The following HAUS3 variants were observed in gnomAD, a reference collection of about 807,000 sequenced individuals.
HAUS3 encodes the protein HAUS augmin like complex subunit 3.
In HAUS3, 36 loss-of-function variants were observed where a neutral mutation model predicts 55.2. That is an observed-to-expected ratio of 0.65 (90% CI 0.50 to 0.86). The LOEUF (loss-of-function observed/expected upper bound fraction) is 0.86, where lower values mean the gene tolerates loss of function less well. HAUS3 is among the 40% of genes least tolerant of loss of function. HAUS3 has a pLI of 0.00. For synonymous variants in HAUS3, 234 were observed against 238.6 expected (o/e 0.98, Z 0.18); for missense variants, 752 against 671.5 (o/e 1.12, Z -1.33).
chr4:2,230,507 T>G lies in HAUS3; in HGVS notation c.*1420A>C, dbSNP rs1169233155. 6.6e-6 allele frequency: 1 copy of G among 152,156 alleles called. No individual in the cohort carries two copies. The highest frequency in any genetic ancestry group is 1.5e-5 in the Non-Finnish European group (1 of 68,032). 9.4% of individuals were successfully genotyped at this position (152,156 alleles called of 1,614,324 possible). ...AGTTGCTCAGGTGATAGGGAGCTGATAGCAAAATCTTAAACAAAATTTACT... is the reference window on the plus strand; with the variant it reads ...AGTTGCTCAGGTGATAGGGAGCTGAGAGCAAAATCTTAAACAAAATTTACT... On this transcript the variant is annotated 3_prime_UTR_variant, in exon 6 of 6. Transcript: ENST00000443786.
intron 4 of HAUS3, among the ~76,000 whole-genome samples, 198 bp from the exon 5 acceptor site, chr4:2,236,654 T>C (rs1180730049): frequency 6.6e-6 from 1 of 151,732 alleles, no homozygotes; most frequent in Non-Finnish European, 1.5e-5. Flanking sequence ...AGCTCAGGAG[T>C]TCGAGACCAG....
Position 2,241,733 on chromosome 4 carries a change from A to T in HAUS3, c.-361T>A. ...CGGCCCCAAGGCCGCGATACACCAG[A>T]CGCGCCAGCGGCAAAACCTTCCTTC... On this transcript the variant is annotated 5_prime_UTR_variant, in exon 2 of 6. Coordinates refer to ENST00000443786, the MANE Select transcript of HAUS3 (RefSeq NM_001303143.2). 2.0e-6 allele frequency: 2 copies of T among 985,468 alleles called. No individual in the cohort carries two copies. Among genetic ancestry groups the T allele is most frequent in the South Asian group, 9.4e-5 (2 of 21,294 alleles). 61.0% of individuals were successfully genotyped at this position (985,468 alleles called of 1,614,324 possible). A position where few individuals can be genotyped will look rare whatever the true frequency, so the allele number is the denominator to read the frequency against.
Position 2,241,748 on chromosome 4 carries a change from A to G in HAUS3, c.-376T>C. The stretch of plus-strand genomic sequence containing the variant: ...GATACACCAGACGCGCCAGCGGCAA[A>G]ACCTTCCTTCGGAGGGTCACCCAGC... On this transcript the variant is annotated 5_prime_UTR_variant, in exon 2 of 6. Transcript: ENST00000443786. The G allele has an allele frequency of 1.0e-6, 1 of 985,484 alleles. No individual in the cohort carries two copies. Among genetic ancestry groups the G allele is most frequent in the Non-Finnish European group, 1.2e-6 (1 of 829,940 alleles). The allele number at this position is 985,484 out of a possible 1,614,324, so 61.0% of individuals were successfully genotyped here.
At chr4:2,238,383 G>C (rs1040441718) in intron 4 of HAUS3, among the ~76,000 whole-genome samples, 1 of 150,670 alleles carries the variant, frequency 6.6e-6, no homozygotes, top group Non-Finnish European at 1.5e-5. Context: ...ATCCACTTAA[G>C]CTATAAAGTA....
In HAUS3 at chr4:2,240,433, C is replaced by T. The variant is rs1166547308; in HGVS notation, c.514G>A (p.Glu172Lys). ...ISNELQALTD[E>K]VTQLMMFFRH... ...AAGAACATCATCAATTGTGTAACTTCATCAGTAAGAGCCTGAAGTTCATTA... is the reference window on the plus strand; with the variant it reads ...AAGAACATCATCAATTGTGTAACTTTATCAGTAAGAGCCTGAAGTTCATTA... The change falls in exon 3 of 6, where the codon GAA becomes AAA. Residue 172 changes from glutamate to lysine, a missense_variant. Transcript: ENST00000443786. The T allele has an allele frequency of 1.2e-6, 2 of 1,613,902 alleles. No homozygotes were observed. The highest frequency in any genetic ancestry group is 2.2e-5 in the East Asian group (1 of 44,876).
rs1560102286 is a variant in HAUS3, at chr4:2,231,903, TAAAG to T, written c.*20_*23del. The T allele has an allele frequency of 3.0e-6, 3 of 990,734 alleles. No homozygotes were observed. Among genetic ancestry groups the T allele is most frequent in the Middle Eastern group, 2.1e-4 (1 of 4,712 alleles). The allele number at this position is 990,734 out of a possible 1,614,324, so 61.4% of individuals were successfully genotyped here. On this transcript the variant is annotated 3_prime_UTR_variant, in exon 6 of 6. Coordinates refer to ENST00000443786, the MANE Select transcript of HAUS3 (RefSeq NM_001303143.2). Reference sequence around the variant, plus strand: ...CTAATAAATAAAAGAGGACACGTAATAAAGATTCAGTTTTCAGTAATTTTCAATC... The same window carrying T: ...CTAATAAATAAAAGAGGACACGTAATATTCAGTTTTCAGTAATTTTCAATC...
At position 2,229,352 on chromosome 4, in the gene HAUS3, T is replaced by C; in HGVS notation, c.*2575A>G. 2.2e-6 allele frequency: 2 copies of C among 921,966 alleles called. No individual in the cohort carries two copies. The highest frequency in any genetic ancestry group is 1.7e-5 in the African/African-American group (1 of 57,906). 57.1% of individuals were successfully genotyped at this position (921,966 alleles called of 1,614,324 possible). A position where few individuals can be genotyped will look rare whatever the true frequency, so the allele number is the denominator to read the frequency against. On this transcript the variant is annotated 3_prime_UTR_variant, in exon 6 of 6. Coordinates refer to ENST00000443786, the MANE Select transcript of HAUS3 (RefSeq NM_001303143.2). ...TATATACCAACTTTCATTTAAAATGTCTATATTCATAACCACAGAAAATAG... is the reference window on the plus strand; with the variant it reads ...TATATACCAACTTTCATTTAAAATGCCTATATTCATAACCACAGAAAATAG...
Position 2,240,538 on chromosome 4 carries a change from A to C in HAUS3, c.409T>G (p.Leu137Val). The change falls in exon 3 of 6, where the codon TTA becomes GTA. Residue 137 changes from leucine to valine, a missense_variant. Leu to Val is a conservative substitution (Grantham distance 32, BLOSUM62 1). Coordinates refer to ENST00000443786, the MANE Select transcript of HAUS3 (RefSeq NM_001303143.2). Reference sequence around the variant, plus strand: ...GTGGCTTCTTCTTCTTTAGCATTTAACCTCAGAGATTTGTGGCTAGTTACT... The same window carrying C: ...GTGGCTTCTTCTTCTTTAGCATTTACCCTCAGAGATTTGTGGCTAGTTACT... ...ASVTSHKSLR[L>V]NAKEEEATKK... 6.2e-7 allele frequency: 1 copy of C among 1,613,666 alleles called. No homozygotes were observed. The highest frequency in any genetic ancestry group is 1.1e-5 in the South Asian group (1 of 90,950).
At chr4:2,232,410 G>A (rs1487327318) in intron 5 of HAUS3, among the ~76,000 whole-genome samples, 1 of 152,154 alleles carries the variant, frequency 6.6e-6, no homozygotes, top group Non-Finnish European at 1.5e-5. Context: ...TACTCGATAT[G>A]TAAGCTGTTC....
At position 2,228,805 on chromosome 4, in the gene HAUS3, A is replaced by G. The variant is rs181855947; in HGVS notation, c.*3122T>C. ...TACTATGTACAGGTTTGATGACCTG[A>G]GAACCAAGATTAAAGCATCTCTTTT... On this transcript the variant is annotated 3_prime_UTR_variant, in exon 6 of 6. Transcript: ENST00000443786. 36 of 286,464 alleles carry G rather than the reference A, an allele frequency of 1.3e-4. No individual in the cohort carries two copies. The highest frequency in any genetic ancestry group is 3.0e-4 in the Admixed American group (6 of 20,146). 17.7% of individuals were successfully genotyped at this position (286,464 alleles called of 1,614,324 possible).
Position 2,240,753 on chromosome 4 carries a change from T to G in HAUS3, c.194A>C (p.Gln65Pro). The change falls in exon 3 of 6, where the codon CAG becomes CCG. Residue 65 changes from glutamine (Q) to proline (P), a missense_variant. By Grantham distance (76) the Gln-to-Pro change is moderately conservative. Coordinates refer to ENST00000443786, the MANE Select transcript of HAUS3 (RefSeq NM_001303143.2). ...TTCTAGAATAGGCTTGCCTGATTTCTGAAGAATGCTAAAAGCTTCCAATTC... is the reference window on the plus strand; with the variant it reads ...TTCTAGAATAGGCTTGCCTGATTTCGGAAGAATGCTAAAAGCTTCCAATTC... ...ERELEAFSIL[Q>P]KSGKPILEGA... 1.2e-6 allele frequency: 2 copies of G among 1,614,012 alleles called. No homozygotes were observed. The highest frequency in any genetic ancestry group is 1.7e-6 in the Non-Finnish European group (2 of 1,179,992).
Position 2,231,997 on chromosome 4 carries a change from T to A in HAUS3, c.1742A>T (p.Asp581Val). 6.7e-7 allele frequency: 1 copy of A among 1,496,102 alleles called. No individual in the cohort carries two copies. 92.7% of individuals were successfully genotyped at this position (1,496,102 alleles called of 1,614,324 possible). A position where few individuals can be genotyped will look rare whatever the true frequency, so the allele number is the denominator to read the frequency against. Residue 581 changes from aspartate to valine, a missense_variant, in exon 6 of 6, where the codon GAT becomes GTT. Coordinates refer to ENST00000443786, the MANE Select transcript of HAUS3 (RefSeq NM_001303143.2). ...EFYVYFLKDE[D>V]YLKDIVENLE... ...ATTCTCCACAATATCTTTCAGATAA[T>A]CTTCATCTTTTAAAAAATATACATA...
rs1267858162 is a variant in HAUS3, at chr4:2,240,330, T to C, written c.617A>G (p.Gln206Arg). ...TAATGCTGCTGTGCTTTGCTCTTCCTGACTTAGGTATTTTTCCAAGGAAAA... is the reference window on the plus strand; with the variant it reads ...TAATGCTGCTGTGCTTTGCTCTTCCCGACTTAGGTATTTTTCCAAGGAAAA... ...SQFSLEKYLS[Q>R]EEQSTAALTL... The change falls in exon 3 of 6, where the codon CAG (glutamine) becomes CGG (arginine). Residue 206 changes from glutamine (Q) to arginine (R), a missense_variant. By Grantham distance (43) the Gln-to-Arg change is conservative (BLOSUM62 1). Transcript: ENST00000443786. 1.2e-6 allele frequency: 2 copies of C among 1,603,760 alleles called. No individual in the cohort carries two copies. Among genetic ancestry groups the C allele is most frequent in the South Asian group, 1.1e-5 (1 of 90,302 alleles).
intron 5 of HAUS3, among the ~76,000 whole-genome samples, chr4:2,233,437 A>ATT (rs146831054): frequency 1.3e-5 from 2 of 151,158 alleles, no homozygotes; most frequent in African/African-American, 2.4e-5. Context: ...TCTTGGATGC[A>ATT]TTTTTTTTTC....
In HAUS3 at chr4:2,229,184, C is replaced by T. The variant is rs548803141; in HGVS notation, c.*2743G>A. 2.5e-5 allele frequency: 40 copies of T among 1,610,524 alleles called. No individual in the cohort carries two copies. Among genetic ancestry groups the T allele is most frequent in the African/African-American group, 9.3e-5 (7 of 74,930 alleles). On this transcript the variant is annotated 3_prime_UTR_variant, in exon 6 of 6. Coordinates refer to ENST00000443786, the MANE Select transcript of HAUS3 (RefSeq NM_001303143.2). ...TAATCTTCTGAGCAACACTGGAGAG[C>T]GGTGTATTACAGAGATCAAAGCCTA...
At position 2,242,082 on chromosome 4, in the gene HAUS3, C is replaced by T. The variant is rs182178490; in HGVS notation, c.-450G>A. 6 of 985,720 alleles carry T rather than the reference C, an allele frequency of 6.1e-6. No individual in the cohort carries two copies. The highest frequency in any genetic ancestry group is 6.1e-5 in the Admixed American group (1 of 16,278). 61.1% of individuals were successfully genotyped at this position (985,720 alleles called of 1,614,324 possible). A position where few individuals can be genotyped will look rare whatever the true frequency, so the allele number is the denominator to read the frequency against. On this transcript the variant is annotated 5_prime_UTR_variant, in exon 1 of 6. Transcript: ENST00000443786. ...AAGTTCCGCTTGCTTCTCGCAGGAG[C>T]CCGCCGCCACCGCCCTCCGTGCCCC...
chr4:2,236,814 G>C (rs1261572149), intron 4 of HAUS3, among the ~76,000 whole-genome samples: 1 of 151,630 alleles, frequency 6.6e-6, no homozygotes, highest in Non-Finnish European at 1.5e-5. Flanking sequence ...AGTGAACCCA[G>C]ATTGCGCCAC....
chr4:2,237,995 C>T (rs1057080460), intron 4 of HAUS3, among the ~76,000 whole-genome samples: 1 of 152,042 alleles, frequency 6.6e-6, no homozygotes, highest in Non-Finnish European at 1.5e-5. Flanking sequence ...CTATCCAGGC[C>T]CCTCATTTTA....
In HAUS3 at chr4:2,238,933, TACCACAGC is replaced by T. The variant is rs1734867623; in HGVS notation, c.1012_1019del (p.Ala338LysfsTer17). ...TATTCAATAACTGGGCATTCTCTCT[TACCACAGC>T]AGGTAAACTTCTGTCTTTTATTTGA... On this transcript the variant is annotated frameshift_variant, in exon 4 of 6. Coordinates refer to ENST00000443786, the MANE Select transcript of HAUS3 (RefSeq NM_001303143.2). LOFTEE classifies it high-confidence loss of function. 1 of 1,610,266 alleles carries T rather than the reference TACCACAGC, an allele frequency of 6.2e-7. No homozygotes were observed.
Sources: allele counts gnomAD v4.1 joint callset (sites outside exome capture counted in the v4.1 genomes callset), GRCh38; gene constraint gnomAD v4.1.1; transcripts MANE v1.5; gene names NCBI Gene and HGNC (gene_info 2026-07-23, HGNC 2026-07-21).